The following CTNNA2 variants were observed in gnomAD, a reference collection of about 807,000 sequenced individuals.
The protein encoded by CTNNA2 is catenin alpha-2.
In CTNNA2, 42 loss-of-function variants were observed where a neutral mutation model predicts 101.0. The ratio of observed to expected loss-of-function variants is 0.42; its 90% CI spans 0.32 to 0.54. The LOEUF (loss-of-function observed/expected upper bound fraction) is 0.54. Ranked by LOEUF, CTNNA2 falls within the 20% of genes least tolerant of loss-of-function variation. The pLI is 0.14. For synonymous variants in CTNNA2, 450 were observed against 456.4 expected (o/e 0.99, Z 0.18); for missense variants, 871 against 1,223.1 (o/e 0.71, Z 4.29).
At chr2:80,270,296 C>T (rs1187162602) in intron 7 of CTNNA2, among the ~76,000 whole-genome samples, 2 of 152,038 alleles carry the variant, frequency 1.3e-5, no homozygotes, top group Non-Finnish European at 2.9e-5. Context: ...GGATTTTTTT[C>T]CCAATTTCTT....
chr2:79,850,832 G>T (rs1277268249), intron 3 of CTNNA2, among the ~76,000 whole-genome samples: 4 of 152,294 alleles, frequency 2.6e-5, no homozygotes, highest in Admixed American at 1.3e-4. Flanking sequence ...TTGGCACATT[G>T]TGAGCTCTTA....
chr2:79,793,521 T>G (rs1384929172), intron 3 of CTNNA2, among the ~76,000 whole-genome samples: 1 of 152,212 alleles, frequency 6.6e-6, no homozygotes, highest in Non-Finnish European at 1.5e-5. Flanking sequence ...AGGGAGATGT[T>G]ATTTTTATTA....
chr2:79,719,077 G>T (rs1686305767), intron 2 of CTNNA2, among the ~76,000 whole-genome samples: 1 of 151,894 alleles, frequency 6.6e-6, no homozygotes, highest in Admixed American at 6.6e-5. Context: ...AGCATCTATT[G>T]CTGCCATGTT....
Position 80,404,346 on chromosome 2 carries a change from C to T in CTNNA2, c.1137+11055C>T, listed in dbSNP as rs557347263. Reference sequence around the variant, plus strand: ...TATTATTTTTTTCAAAAAAACACAGCTCCTGGATTTGTTGATTTTCCCATT... The same window carrying T: ...TATTATTTTTTTCAAAAAAACACAGTTCCTGGATTTGTTGATTTTCCCATT... On this transcript the variant is annotated intron_variant, in intron 8 of 18. Transcript: ENST00000402739. 9.9e-5 allele frequency among the ~76,000 whole-genome samples: 15 copies of T among 151,922 alleles called. No individual in the cohort carries two copies. In the South Asian group the frequency reaches 3.1e-3, roughly 32 times the overall value.
intron 13 of CTNNA2, 40 bp downstream of exon 13, chr2:80,574,354 C>G: frequency 6.6e-7 from 1 of 1,514,034 alleles, no homozygotes. Context: ...GTCAGATCTC[C>G]TAGTAGGAAA....
At chr2:79,430,614 A>G (rs1678649674) in intron 4 of CTNNA2, among the ~76,000 whole-genome samples, 1 of 152,170 alleles carries the variant, frequency 6.6e-6, no homozygotes, top group African/African-American at 2.4e-5. Context: ...GCCTTTTTGC[A>G]TATATTATTT....
intron 9 of CTNNA2, among the ~76,000 whole-genome samples, chr2:80,539,848 C>T (rs1452546317): frequency 6.6e-6 from 1 of 152,246 alleles, no homozygotes; most frequent in Admixed American, 6.5e-5. Context: ...CTAAATTGCT[C>T]AAAATTTAAT....
chr2:79,311,317 G>C (rs1419674063), intron 2 of CTNNA2, among the ~76,000 whole-genome samples: 2 of 149,840 alleles, frequency 1.3e-5, no homozygotes, highest in African/African-American at 4.9e-5. Context: ...GCTGAGGCAG[G>C]AGAATGGCGT....
At chr2:80,043,021 T>A (rs1696179406) in intron 7 of CTNNA2, among the ~76,000 whole-genome samples, 1 of 49,502 alleles carries the variant, frequency 2.0e-5, no homozygotes, top group African/African-American at 7.2e-5. Flanking sequence ...TTCTTTCCCT[T>A]TCTTTCTTTC....
At chr2:79,975,033 G>C (rs1040875221) in intron 7 of CTNNA2, among the ~76,000 whole-genome samples, 2 of 152,148 alleles carry the variant, frequency 1.3e-5, no homozygotes, top group Admixed American at 1.3e-4. Flanking sequence ...TGGTGAGCTT[G>C]GAACACGGTG....
chr2:79,752,290 C>G (rs1291791436), intron 3 of CTNNA2, among the ~76,000 whole-genome samples: 2 of 152,070 alleles, frequency 1.3e-5, no homozygotes, highest in African/African-American at 4.8e-5. Context: ...ACAAAGAATC[C>G]TAAAATCCAA....
intron 3 of CTNNA2, among the ~76,000 whole-genome samples, chr2:79,819,430 T>C (rs1325953528): frequency 6.6e-6 from 1 of 152,188 alleles, no homozygotes; most frequent in Non-Finnish European, 1.5e-5. Context: ...ATCTAGAAAA[T>C]TACTTGCATT....
At position 80,303,431 on chromosome 2, in the gene CTNNA2, T is replaced by G. The variant is rs765512356; in HGVS notation, c.1057-89780T>G. The G allele has an allele frequency of 3.1e-6, 5 of 1,614,134 alleles. No individual in the cohort carries two copies. The highest frequency in any genetic ancestry group is 4.2e-6 in the Non-Finnish European group (5 of 1,180,028). On this transcript the variant is annotated intron_variant, in intron 7 of 18. Transcript: ENST00000402739. This position sits in a 1 kb window ranked among gnomAD's most constrained non-coding sequence, Gnocchi z 7.7. ...GTTGGGCATGGGCCGGAAGGTGGTG[T>G]TGGGCAGTTGGGTGATCTGGTTGGA...
intron 13 of CTNNA2, chr2:80,576,205 T>C (rs980926543): frequency 7.2e-5 from 11 of 152,096 alleles, no homozygotes; most frequent in African/African-American, 2.7e-4. Context: ...TATCATCTTG[T>C]CTCTTGGCAG....
rs1378380939 is a variant in CTNNA2 at position 79,246,620 on chromosome 2, C to T, written c.-406+48544C>T. Among the ~76,000 whole-genome samples the T allele has an allele frequency of 2.0e-5, 3 of 152,272 alleles. 1 individual carries two copies. The East Asian group carries it at 5.8e-4, about 29-fold the overall frequency. ...TGAGACATAGGGAAGACCCAATAAA[C>T]ATCAAAGTTATGGTTTCAGGTGATA... is the stretch of plus-strand genomic sequence containing the variant. On this transcript the variant is annotated intron_variant, in intron 2 of 21. Coordinates refer to the CTNNA2 transcript ENST00000466387.
intron 14 of CTNNA2, among the ~76,000 whole-genome samples, chr2:80,588,010 A>G (rs939938779): frequency 2.6e-4 from 40 of 152,200 alleles, no homozygotes; most frequent in African/African-American, 8.9e-4. Flanking sequence ...ATATTTAATC[A>G]TTGGTCCTAG....
intron 3 of CTNNA2, among the ~76,000 whole-genome samples, chr2:79,844,828 C>CTG (rs1553380661): frequency 6.6e-6 from 1 of 151,870 alleles, no homozygotes; most frequent in Non-Finnish European, 1.5e-5. Context: ...CATCTATACT[C>CTG]TGTCTTTTAG....
At chr2:79,329,362 C>G (rs952155267) in intron 3 of CTNNA2, among the ~76,000 whole-genome samples, 1 of 152,106 alleles carries the variant, frequency 6.6e-6, no homozygotes, top group Non-Finnish European at 1.5e-5. Context: ...GTAAATAACT[C>G]TAATGTGGAA....
At chr2:80,166,003 C>T (rs1305362744) in intron 7 of CTNNA2, among the ~76,000 whole-genome samples, 1 of 152,122 alleles carries the variant, frequency 6.6e-6, no homozygotes, top group Non-Finnish European at 1.5e-5. Context: ...AATTTTTCTA[C>T]ATTAACAGGC....
Sources: allele counts gnomAD v4.1 joint callset (sites outside exome capture counted in the v4.1 genomes callset), GRCh38; gene constraint gnomAD v4.1.1; non-coding constraint Gnocchi (gnomAD v3.1); transcripts MANE v1.5; gene names NCBI Gene and HGNC (gene_info 2026-07-23, HGNC 2026-07-21).